The following FOXP1 variants were observed in gnomAD, a reference collection of about 807,000 sequenced individuals.
FOXP1 encodes forkhead box protein P1.
FOXP1 carries 15 observed loss-of-function variants against 98.2 expected under a neutral mutation model. The observed-to-expected ratio is 0.15, with a 90% confidence interval of 0.10 to 0.24. FOXP1 has a LOEUF of 0.24. Among genes scored for constraint, FOXP1 ranks in the 10% least tolerant of loss-of-function variants. The probability of loss-of-function intolerance (pLI) is 1.00; values close to 1 mark genes in which losing one functional copy is unlikely to be tolerated. For missense variants in FOXP1, 633 were observed against 848.5 expected, an observed-to-expected ratio of 0.75 and a Z score of 3.15; for synonymous variants, 371 against 314.5, an observed-to-expected ratio of 1.18 and a Z score of -1.90.
chr3:71,300,248 A>G (rs2073730508), intron 4 of FOXP1, among the ~76,000 whole-genome samples: 1 of 152,218 alleles, frequency 6.6e-6, no homozygotes, highest in Admixed American at 6.5e-5. Context: ...GTTAATATCC[A>G]CAACATCTCT....
intron 4 of FOXP1, among the ~76,000 whole-genome samples, chr3:71,318,000 T>C (rs2075176952): frequency 6.6e-6 from 1 of 151,712 alleles, no homozygotes; most frequent in African/African-American, 2.4e-5. Flanking sequence ...GCTTTAGCCA[T>C]AGTTAGATGT....
At chr3:71,335,282 C>T (rs1353625831) in intron 4 of FOXP1, 1 of 149,666 alleles carries the variant, frequency 6.7e-6, no homozygotes, top group Admixed American at 6.6e-5. Flanking sequence ...AATATCCTGT[C>T]TTCAAAAAAA....
chr3:71,321,954 C>T (rs908897302), intron 4 of FOXP1, among the ~76,000 whole-genome samples: 8 of 152,106 alleles, frequency 5.3e-5, no homozygotes, highest in Non-Finnish European at 1.0e-4. Context: ...AAGTTGCCTG[C>T]GTCACTTAAC....
Position 70,957,805 on chromosome 3 carries a change from C to T in FOXP1, c.*1442G>A. 1 of 233,792 alleles carries T rather than the reference C, an allele frequency of 4.3e-6. No homozygotes were observed. The highest frequency in any genetic ancestry group is 8.5e-6 in the Non-Finnish European group (1 of 118,154). The allele number at this position is 233,792 out of a possible 1,614,324, so 14.5% of individuals were successfully genotyped here. Reference sequence around the variant, plus strand: ...ATAACAAACTGCAGTACCAAATTTGCATATTTGAAATTAACACTTTAGCAT... The same window carrying T: ...ATAACAAACTGCAGTACCAAATTTGTATATTTGAAATTAACACTTTAGCAT... On this transcript the variant is annotated 3_prime_UTR_variant, in exon 21 of 21. Coordinates refer to ENST00000649528, the MANE Select transcript of FOXP1 (RefSeq NM_001349338.3).
intron 5 of FOXP1, among the ~76,000 whole-genome samples, chr3:71,260,466 A>G (rs2069025041): frequency 1.3e-5 from 2 of 152,068 alleles, no homozygotes; most frequent in South Asian, 4.1e-4. Flanking sequence ...TTAAACATTC[A>G]CATGTTCCTA....
At chr3:71,138,640 C>T (rs1433003480) in intron 6 of FOXP1, among the ~76,000 whole-genome samples, 2 of 152,236 alleles carry the variant, frequency 1.3e-5, no homozygotes, top group Non-Finnish European at 2.9e-5. Flanking sequence ...ATATACCACA[C>T]TTCTAAATAA....
chr3:71,416,276 C>G (rs2108300702), intron 3 of FOXP1, among the ~76,000 whole-genome samples: 1 of 152,150 alleles, frequency 6.6e-6, no homozygotes, highest in African/African-American at 2.4e-5. Context: ...TGACTTACAC[C>G]TGTAATACCA....
intron 5 of FOXP1, among the ~76,000 whole-genome samples, chr3:71,298,947 A>G (rs909799078): frequency 1.1e-4 from 16 of 152,234 alleles, no homozygotes; most frequent in Admixed American, 6.5e-5. Flanking sequence ...GTTTTTAGAC[A>G]GACACAAATC....
rs192005157 is a variant in FOXP1, at chr3:71,287,894, T to C, written c.-12+11926A>G. ...ACTACTTCTTCTTCATATATATATA[T>C]TTTGAGACAGAGTTTTGCTCCTGTT... is the stretch of plus-strand genomic sequence containing the variant. On this transcript the variant is annotated intron_variant, in intron 5 of 20. Transcript: ENST00000649528. Among the ~76,000 whole-genome samples the C allele has an allele frequency of 2.1e-3, 323 of 152,246 alleles. 2 individuals carry two copies. The highest frequency in any genetic ancestry group is 3.9e-3 in the Non-Finnish European group (268 of 68,026).
intron 12 of FOXP1, among the ~76,000 whole-genome samples, chr3:71,013,981 C>T (rs1164983847): frequency 6.6e-6 from 1 of 152,128 alleles, no homozygotes; most frequent in Non-Finnish European, 1.5e-5. Context: ...CTTCCTTACA[C>T]CTTATACAAA....
chr3:71,501,299 T>TC, intron 2 of FOXP1, among the ~76,000 whole-genome samples: 1 of 149,528 alleles, frequency 6.7e-6, no homozygotes, highest in East Asian at 1.9e-4. Flanking sequence ...TTTTCTTTTT[T>TC]TTTTTTTTTT....
At chr3:71,363,271 T>C (rs2078697128) in intron 3 of FOXP1, among the ~76,000 whole-genome samples, 1 of 152,196 alleles carries the variant, frequency 6.6e-6, no homozygotes, top group Non-Finnish European at 1.5e-5. Flanking sequence ...CAACAGATGT[T>C]CTATCTGCCA....
intron 3 of FOXP1, among the ~76,000 whole-genome samples, chr3:71,472,615 A>G (rs1261815249): frequency 1.3e-5 from 2 of 152,148 alleles, no homozygotes; most frequent in Non-Finnish European, 2.9e-5. Context: ...CCAGCCCAGA[A>G]CTCCAACAGG....
intron 2 of FOXP1, among the ~76,000 whole-genome samples, chr3:71,561,817 C>T (rs564059691): frequency 7.2e-5 from 11 of 152,342 alleles, no homozygotes; most frequent in African/African-American, 2.6e-4. Flanking sequence ...ATTCACTATT[C>T]CACTAACTTA....
chr3:71,473,777 G>C (rs1311077438), intron 3 of FOXP1, among the ~76,000 whole-genome samples: 5 of 152,168 alleles, frequency 3.3e-5, no homozygotes, highest in Admixed American at 3.3e-4. Flanking sequence ...GAGCATTTTT[G>C]GTTGTCACAA....
At chr3:70,970,406 T>C (rs2035957122) in intron 19 of FOXP1, 2 of 359,928 alleles carry the variant, frequency 5.6e-6, no homozygotes, top group Non-Finnish European at 1.1e-5. Flanking sequence ...ATCCAGCACA[T>C]TAATAGCTGT....
chr3:71,150,914 C>T (rs184296995), intron 6 of FOXP1, among the ~76,000 whole-genome samples: 222 of 152,226 alleles, frequency 1.5e-3, no homozygotes, highest in Non-Finnish European at 1.9e-3. Context: ...GTTGCCATGT[C>T]CCCATCTTTC....
chr3:71,308,477 C>T (rs1381564388), intron 4 of FOXP1, among the ~76,000 whole-genome samples: 1 of 152,040 alleles, frequency 6.6e-6, no homozygotes, highest in Non-Finnish European at 1.5e-5. Context: ...TGATCAGATA[C>T]GATGCGTACA....
intron 4 of FOXP1, among the ~76,000 whole-genome samples, chr3:71,336,061 A>G (rs1197538552): frequency 6.6e-6 from 1 of 150,588 alleles, no homozygotes; most frequent in South Asian, 2.1e-4. Context: ...GGTGAGTCTG[A>G]AACATTCTGT....
Sources: gnomAD v4.1 joint callset for allele counts (sites outside exome capture counted in the v4.1 genomes callset) on GRCh38, gnomAD v4.1.1 for gene constraint, MANE v1.5 for transcripts, NCBI Gene and HGNC (gene_info 2026-07-23, HGNC 2026-07-21) for gene names.